Variants in FIBCD1 observed in about 807,000 individuals in gnomAD.
The protein encoded by FIBCD1 is fibrinogen C domain-containing protein 1.
Under a neutral mutation model 45.1 loss-of-function variants are expected in FIBCD1, and 47 were observed. The observed-to-expected ratio is 1.04, with a 90% CI of 0.82 to 1.33. The LOEUF is 1.33. Ranked by LOEUF, FIBCD1 falls within the 40% of genes most tolerant of loss-of-function variation. The pLI, the probability that FIBCD1 is intolerant of heterozygous loss-of-function variation, is 0.00. For missense variants in FIBCD1, 653 were observed against 682.2 expected, an observed-to-expected ratio of 0.96 and a Z score of 0.48; for synonymous variants, 313 against 308.1, an observed-to-expected ratio of 1.02 and a Z score of -0.17.
chr9:130,912,607 T>C (rs960686338), intron 4 of FIBCD1, among the ~76,000 whole-genome samples: 3 of 151,406 alleles, frequency 2.0e-5, no homozygotes, highest in African/African-American at 7.3e-5. Context: ...CTGGGGAGGC[T>C]GAGGCAGGAG....
chr9:130,940,102 C>G (rs1832597022), upstream of FIBCD1, among the ~76,000 whole-genome samples: 1 of 152,260 alleles, frequency 6.6e-6, no homozygotes, highest in African/African-American at 2.4e-5. Flanking sequence ...GTCTCTCCCC[C>G]ACTGGCTGCC....
intron 4 of FIBCD1, among the ~76,000 whole-genome samples, chr9:130,919,753 G>A (rs186623514): frequency 5.9e-5 from 9 of 152,338 alleles, no homozygotes; most frequent in Admixed American, 2.0e-4. Context: ...ACTTGGCACC[G>A]TGGTGTTGGG....
intron 4 of FIBCD1, among the ~76,000 whole-genome samples, chr9:130,919,361 A>G (rs1281799742): frequency 1.3e-5 from 2 of 152,150 alleles, no homozygotes; most frequent in Non-Finnish European, 2.9e-5. Flanking sequence ...TGGCCCACCA[A>G]TGTCACAGCA....
chr9:130,938,392 G>A (rs1832553529), intron 1 of FIBCD1, 144 bp downstream of exon 1: 4 of 613,906 alleles, frequency 6.5e-6, no homozygotes, highest in Non-Finnish European at 7.5e-6. Context: ...AGGAGAGGAG[G>A]GTCCCCATCC....
intron 5 of FIBCD1, among the ~76,000 whole-genome samples, chr9:130,908,287 C>T (rs990269915): frequency 2.0e-5 from 3 of 152,146 alleles, no homozygotes; most frequent in Non-Finnish European, 2.9e-5. Flanking sequence ...TGTCAGGGCT[C>T]GTCTGCAGGA....
At position 130,911,888 on chromosome 9, in the gene FIBCD1, C is replaced by CTG. The variant is rs1832059116; in HGVS notation, c.850-1_850insCA (p.Val284GlnfsTer11). On this transcript the variant is annotated frameshift_variant and splice_region_variant. Coordinates refer to ENST00000372338, the MANE Select transcript of FIBCD1 (RefSeq NM_032843.5). LOFTEE classifies it high-confidence loss of function. ...GAGCCGTCCTCCCGGCGCTGAAACA[C>CTG]CTGCAAAGGGAAGATGGGGATGGGG... is the stretch of plus-strand genomic sequence containing the variant. The CTG allele has an allele frequency of 6.4e-7, 1 of 1,572,342 alleles. No homozygotes were observed. Among genetic ancestry groups the CTG allele is most frequent in the South Asian group, 1.2e-5 (1 of 85,682 alleles).
At chr9:130,905,981 C>T (rs193279837) in intron 5 of FIBCD1, among the ~76,000 whole-genome samples, 16 of 152,304 alleles carry the variant, frequency 1.1e-4, no homozygotes, top group African/African-American at 3.8e-4. Flanking sequence ...TCAGTTTCCC[C>T]ACCAGTGCGG....
intron 2 of FIBCD1, among the ~76,000 whole-genome samples, chr9:130,927,942 G>A (rs985776566): frequency 3.3e-5 from 5 of 152,176 alleles, no homozygotes; most frequent in African/African-American, 4.8e-5. Flanking sequence ...ATTACAGCAT[G>A]AGCCACTGCA....
Position 130,924,217 on chromosome 9 carries a change from G to T in FIBCD1, c.712+20C>A. 1 of 1,552,358 alleles carries T rather than the reference G, an allele frequency of 6.4e-7. No individual in the cohort carries two copies. Among genetic ancestry groups the T allele is most frequent in the Non-Finnish European group, 8.7e-7 (1 of 1,150,306 alleles). On this transcript the variant is annotated intron_variant, in intron 3 of 6. Coordinates refer to ENST00000372338, the MANE Select transcript of FIBCD1 (RefSeq NM_032843.5). ...CTGGGACCCGAGGCACCGGAGGAAG[G>T]CAGGCCCTGCCCCACTCACCAGTGG...
upstream of FIBCD1, among the ~76,000 whole-genome samples, chr9:130,940,402 G>A (rs957287507): frequency 7.9e-5 from 12 of 152,278 alleles, no homozygotes; most frequent in African/African-American, 2.9e-4. Context: ...CCGGGAGTTG[G>A]AGAGGATCCC....
At chr9:130,915,651 G>A (rs1367127804) in intron 4 of FIBCD1, among the ~76,000 whole-genome samples, 1 of 152,154 alleles carries the variant, frequency 6.6e-6, no homozygotes, top group Non-Finnish European at 1.5e-5. Context: ...GCAGTGAGCC[G>A]AGATCGCGCC....
At chr9:130,929,025 G>T (rs1832402249) in intron 2 of FIBCD1, among the ~76,000 whole-genome samples, 1 of 152,158 alleles carries the variant, frequency 6.6e-6, no homozygotes, top group African/African-American at 2.4e-5. Context: ...GGTGGGGAGG[G>T]TGGAGGTGGT....
At chr9:130,936,980 TG>T (rs1832528834) in intron 1 of FIBCD1, among the ~76,000 whole-genome samples, 1 of 151,950 alleles carries the variant, frequency 6.6e-6, no homozygotes, top group Non-Finnish European at 1.5e-5. Context: ...GGGGTGTGTG[TG>T]TGTGTGTGTG....
chr9:130,922,302 C>T lies in FIBCD1; in HGVS notation c.849+1442G>A, dbSNP rs1002820356. 6.6e-6 allele frequency among the ~76,000 whole-genome samples: 1 copy of T among 152,196 alleles called. No individual in the cohort carries two copies. Among genetic ancestry groups the T allele is most frequent in the African/African-American group, 2.4e-5 (1 of 41,458 alleles). ...CGGGCCTGGTCTGGGGTCTCTGTTCCTGGCTAAGCAGGCCTGACTGGCATC... is the reference window on the plus strand; with the variant it reads ...CGGGCCTGGTCTGGGGTCTCTGTTCTTGGCTAAGCAGGCCTGACTGGCATC... On this transcript the variant is annotated intron_variant, in intron 4 of 6. Coordinates refer to ENST00000372338, the MANE Select transcript of FIBCD1 (RefSeq NM_032843.5). This position sits in a 1 kb window ranked among gnomAD's most constrained non-coding sequence, Gnocchi z 4.5.
At chr9:130,932,905 C>A (rs533521832) in intron 1 of FIBCD1, among the ~76,000 whole-genome samples, 1 of 152,208 alleles carries the variant, frequency 6.6e-6, no homozygotes, top group Non-Finnish European at 1.5e-5. Context: ...CACCTTGCCC[C>A]GAGCAGCTCA....
intron 5 of FIBCD1, among the ~76,000 whole-genome samples, chr9:130,910,283 G>C (rs989860786): frequency 1.3e-5 from 2 of 152,240 alleles, no homozygotes; most frequent in Non-Finnish European, 2.9e-5. Context: ...GCTGTGGAGG[G>C]TGTACTGGGT....
chr9:130,933,729 G>GC (rs944010844), intron 1 of FIBCD1: 1 of 139,892 alleles, frequency 7.1e-6, no homozygotes, highest in African/African-American at 2.6e-5. Context: ...CGGGCGGGTG[G>GC]GGGGGGGGCG....
At chr9:130,907,313 A>T (rs939240042) in intron 5 of FIBCD1, among the ~76,000 whole-genome samples, 1 of 152,036 alleles carries the variant, frequency 6.6e-6, no homozygotes, top group African/African-American at 2.4e-5. Flanking sequence ...CCTCCAGTCC[A>T]CGCCACCTCC....
At chr9:130,939,652 G>C (rs1053890854), upstream of FIBCD1, among the ~76,000 whole-genome samples, 3 of 151,584 alleles carry the variant, frequency 2.0e-5, no homozygotes, top group Admixed American at 6.5e-5. Context: ...TCCGCGCTCG[G>C]CCGCGCTCCC....
Sources: allele counts gnomAD v4.1 joint callset (sites outside exome capture counted in the v4.1 genomes callset), GRCh38; gene constraint gnomAD v4.1.1; non-coding constraint Gnocchi (gnomAD v3.1); transcripts MANE v1.5; gene names NCBI Gene and HGNC (gene_info 2026-07-23, HGNC 2026-07-21).